The following SRPX variants were observed in gnomAD, a reference collection of about 807,000 sequenced individuals.
SRPX encodes sushi repeat-containing protein SRPX.
Under a neutral mutation model 38.1 loss-of-function variants are expected in SRPX, and 24 were observed. That is an observed-to-expected ratio of 0.63 (90% CI 0.46 to 0.89). The LOEUF (loss-of-function observed/expected upper bound fraction) is 0.89. SRPX is among the 40% of genes least tolerant of loss of function. The probability of loss-of-function intolerance (pLI) is 0.00; values close to 1 mark genes in which losing one functional copy is unlikely to be tolerated. For synonymous variants in SRPX, 184 were observed against 153.8 expected (o/e 1.20, Z -1.45); for missense variants, 416 against 377.8 (o/e 1.10, Z -0.84).
At chrX:38,202,065 T>C (rs950028286) in intron 1 of SRPX, among the ~76,000 whole-genome samples, 1 of 111,874 alleles carries the variant, frequency 8.9e-6, no homozygotes, top group Non-Finnish European at 1.9e-5. Context: ...CCAGCCCCCA[T>C]ATAACCCTGT....
At chrX:38,206,907 T>C (rs1161913923) in intron 1 of SRPX, among the ~76,000 whole-genome samples, 1 of 112,217 alleles carries the variant, frequency 8.9e-6, no homozygotes, top group African/African-American at 3.2e-5. Context: ...GGCAGTAGAA[T>C]GGCTGGCTGG....
rs774973101 is a variant in SRPX at position 38,220,855 on chromosome X, G to C, written c.-63C>G. On this transcript the variant is annotated 5_prime_UTR_variant, in exon 1 of 10. Coordinates refer to ENST00000378533, the MANE Select transcript of SRPX (RefSeq NM_006307.5). Reference sequence around the variant, plus strand: ...CGCTTCCCGGGGGCGGCAGGAGACCGAAGAGACCAAGGGACTGCGTGCTAG... The same window carrying C: ...CGCTTCCCGGGGGCGGCAGGAGACCCAAGAGACCAAGGGACTGCGTGCTAG... 15 of 1,061,289 alleles carry C rather than the reference G, an allele frequency of 1.4e-5. No individual in the cohort carries two copies. In the South Asian group the frequency reaches 3.7e-4, roughly 26 times the overall value. 87.5% of individuals were successfully genotyped at this position (1,061,289 alleles called of 1,213,427 possible).
chrX:38,176,842 G>A (rs767679664), intron 2 of SRPX, among the ~76,000 whole-genome samples: 145 of 111,737 alleles, frequency 1.3e-3, no homozygotes, highest in African/African-American at 4.2e-3. Context: ...TGTATGAAGC[G>A]CACAACATGA....
At chrX:38,187,833 G>T (rs1300239237) in intron 1 of SRPX, among the ~76,000 whole-genome samples, 1 of 112,221 alleles carries the variant, frequency 8.9e-6, no homozygotes, top group African/African-American at 3.2e-5. Context: ...CTAATTTATG[G>T]GGGCTTTTGA....
intron 8 of SRPX, among the ~76,000 whole-genome samples, chrX:38,155,023 A>G (rs1322989793): frequency 1.8e-5 from 2 of 110,730 alleles, no homozygotes; most frequent in Non-Finnish European, 3.8e-5. Flanking sequence ...AGGGGAAAAG[A>G]GGATAAAAGG....
At chrX:38,208,029 C>T (rs1006907382) in intron 1 of SRPX, among the ~76,000 whole-genome samples, 1 of 111,832 alleles carries the variant, frequency 8.9e-6, no homozygotes, top group Admixed American at 9.5e-5. Context: ...GTAGGCCTGG[C>T]CTTCTCTATC....
chrX:38,171,819 A>G (rs1458856390), intron 4 of SRPX, 62 bp downstream of exon 4: 1 of 1,126,533 alleles, frequency 8.9e-7, no homozygotes, highest in Non-Finnish European at 1.2e-6. Context: ...ACAATCCACG[A>G]TGTGAACACC....
In SRPX at chrX:38,171,877, T is replaced by C. The variant is rs1938475891; in HGVS notation, c.526+4A>G. ...GCCTCCTAAGGGCTGTGGCATTTTC[T>C]TACCCACACAGGAGGCTGGCCGGCC... On this transcript the variant is annotated splice_donor_region_variant and intron_variant, in intron 4 of 9. Transcript: ENST00000378533. The C allele has an allele frequency of 8.3e-7, 1 of 1,209,206 alleles. No homozygotes were observed. Among genetic ancestry groups the C allele is most frequent in the Non-Finnish European group, 1.1e-6 (1 of 894,757 alleles).
At chrX:38,161,639 T>C (rs1386184214) in intron 5 of SRPX, among the ~76,000 whole-genome samples, 1 of 111,769 alleles carries the variant, frequency 8.9e-6, no homozygotes, top group African/African-American at 3.3e-5. Context: ...ACCTTACATG[T>C]TAGGCATGGT....
chrX:38,200,143 G>C (rs760513853), intron 1 of SRPX, among the ~76,000 whole-genome samples: 1 of 112,017 alleles, frequency 8.9e-6, no homozygotes, highest in Non-Finnish European at 1.9e-5. Context: ...CATGTGACTT[G>C]TGTGGCTCAT....
rs371242727 is a variant in SRPX at position 38,156,886 on chromosome X, G to A, written c.1089+10C>T. 8.8e-5 allele frequency: 106 copies of A among 1,206,424 alleles called. No homozygotes were observed. Among genetic ancestry groups the A allele is most frequent in the Admixed American group, 3.1e-4 (14 of 45,527 alleles). ...CTCCCTCTCACCTTGGCCCTGCCTC[G>A]AGGACTCACCTGCAGCATTCCTAGC... On this transcript the variant is annotated intron_variant, in intron 8 of 9. Transcript: ENST00000378533.
intron 1 of SRPX, among the ~76,000 whole-genome samples, chrX:38,207,552 C>G (rs1260037095): frequency 8.9e-6 from 1 of 112,250 alleles, no homozygotes; most frequent in African/African-American, 3.2e-5. Context: ...GCTTAACTCT[C>G]CTCTATAGAG....
intron 1 of SRPX, among the ~76,000 whole-genome samples, chrX:38,212,466 A>G (rs768082548): frequency 4.7e-4 from 53 of 111,743 alleles, no homozygotes; most frequent in African/African-American, 1.3e-3. Context: ...CATTCATCAG[A>G]CCAGTACTTC....
At chrX:38,174,495 G>A (rs565848971) in intron 2 of SRPX, 144 bp from the exon 3 acceptor site, 3 of 367,966 alleles carry the variant, frequency 8.2e-6, no homozygotes, top group Admixed American at 6.1e-5. Flanking sequence ...AGGTGTCTCC[G>A]GGTAGGGAGG....
chrX:38,159,983 G>T (rs371649794), intron 7 of SRPX, 34 bp downstream of exon 7: 104 of 1,191,998 alleles, frequency 8.7e-5, no homozygotes, highest in Middle Eastern at 2.5e-4. Flanking sequence ...GGGTTTACAG[G>T]TTCTGCTGCA....
chrX:38,161,325 G>A (rs1020344938), intron 5 of SRPX, among the ~76,000 whole-genome samples: 1 of 110,552 alleles, frequency 9.0e-6, no homozygotes, highest in East Asian at 2.8e-4. Flanking sequence ...GTGGGTAGAG[G>A]GGGGAGGGAG....
chrX:38,174,787 G>C (rs1226474912), intron 2 of SRPX, among the ~76,000 whole-genome samples: 3 of 111,985 alleles, frequency 2.7e-5, no homozygotes, highest in African/African-American at 9.7e-5. Flanking sequence ...AAGGGCAACT[G>C]ATGTCATACA....
intron 1 of SRPX, among the ~76,000 whole-genome samples, chrX:38,211,559 G>T (rs1939321038): frequency 9.0e-6 from 1 of 111,231 alleles, no homozygotes; most frequent in Non-Finnish European, 1.9e-5. Flanking sequence ...AATTAGATAG[G>T]TGTGGTGGTA....
rs56261263 is a variant in SRPX at position 38,172,314 on chromosome X, G to A, written c.350-257C>T. ...ACTAAAAGTACAAAATTAGCCAGGC[G>A]TGGTGGCGCATGCCTGTAATCCCAG... On this transcript the variant is annotated intron_variant, in intron 3 of 9. Coordinates refer to ENST00000378533, the MANE Select transcript of SRPX (RefSeq NM_006307.5). Among the ~76,000 whole-genome samples, 765 of 112,369 alleles carry A rather than the reference G, an allele frequency of 6.8e-3. 10 individuals carry two copies. Among genetic ancestry groups the A allele is most frequent in the Admixed American group, 0.047 (497 of 10,663 alleles).
Sources: allele counts gnomAD v4.1 joint callset (sites outside exome capture counted in the v4.1 genomes callset), GRCh38; gene constraint gnomAD v4.1.1; transcripts MANE v1.5; gene names NCBI Gene and HGNC (gene_info 2026-07-23, HGNC 2026-07-21).